The following CAPRIN2 variants were observed in gnomAD, a reference collection of about 807,000 sequenced individuals.
CAPRIN2 encodes the protein caprin family member 2.
A neutral mutation model predicts 130.4 loss-of-function variants in CAPRIN2; 66 were observed. The ratio of observed to expected loss-of-function variants is 0.51; its 90% CI spans 0.42 to 0.62. The LOEUF (loss-of-function observed/expected upper bound fraction) is 0.62. CAPRIN2 is among the 20% of genes least tolerant of loss of function. The pLI is 0.00. For missense variants in CAPRIN2, 1,185 were observed against 1,246.6 expected, an observed-to-expected ratio of 0.95 and a Z score of 0.74; for synonymous variants, 471 against 444.1, an observed-to-expected ratio of 1.06 and a Z score of -0.76.
chr12:30,751,230 G>A (rs1458854218), intron 1 of CAPRIN2, 97 bp from the exon 3 acceptor site: 25 of 934,088 alleles, frequency 2.7e-5, no homozygotes, highest in South Asian at 6.6e-5. Context: ...CAAAGTCCTT[G>A]AAGTAAGCTA....
At chr12:30,720,750 A>T in intron 12 of CAPRIN2, 61 bp downstream of exon 13, 1 of 943,110 alleles carries the variant, frequency 1.1e-6, no homozygotes, top group Non-Finnish European at 1.7e-6. Flanking sequence ...GTAATTCATA[A>T]GATAAACTGG....
chr12:30,743,937 A>G (rs940969846), intron 2 of CAPRIN2, among the ~76,000 whole-genome samples: 1 of 152,150 alleles, frequency 6.6e-6, no homozygotes, highest in Non-Finnish European at 1.5e-5. Context: ...TCGTTTACCT[A>G]AACAGCTGGT....
At chr12:30,746,523 A>G (rs1350722319) in intron 2 of CAPRIN2, among the ~76,000 whole-genome samples, 1 of 152,240 alleles carries the variant, frequency 6.6e-6, no homozygotes, top group Non-Finnish European at 1.5e-5. Context: ...TAAAAAATGT[A>G]TTTCTCTGAT....
chr12:30,735,078 T>C, exon 4 of CAPRIN2: 1 of 1,614,200 alleles, frequency 6.2e-7, no homozygotes, highest in Non-Finnish European at 8.5e-7. Flanking sequence ...TGAAGTCTTT[T>C]TGTACGTGCT....
intron 2 of CAPRIN2, among the ~76,000 whole-genome samples, chr12:30,746,965 A>T (rs2070838184): frequency 6.6e-6 from 1 of 152,204 alleles, no homozygotes; most frequent in Non-Finnish European, 1.5e-5. Context: ...GACTTCCATA[A>T]CTAGAGATGA....
intron 2 of CAPRIN2, among the ~76,000 whole-genome samples, chr12:30,743,749 G>A (rs893066044): frequency 1.3e-5 from 2 of 152,102 alleles, no homozygotes; most frequent in African/African-American, 2.4e-5. Flanking sequence ...TAAGCACACC[G>A]CATTTTTAGC....
At chr12:30,732,700 A>ATGT (rs1252145971) in intron 5 of CAPRIN2, among the ~76,000 whole-genome samples, 1 of 152,050 alleles carries the variant, frequency 6.6e-6, no homozygotes, top group African/African-American at 2.4e-5. Flanking sequence ...AGATTCATCT[A>ATGT]TGTTGTTACA....
At chr12:30,734,604 A>G (rs1159870549) in intron 4 of CAPRIN2, among the ~76,000 whole-genome samples, 3 of 152,170 alleles carry the variant, frequency 2.0e-5, no homozygotes, top group Non-Finnish European at 2.9e-5. Flanking sequence ...TAAGAAGGCA[A>G]CTCTGAGAAA....
intron 15 of CAPRIN2, among the ~76,000 whole-genome samples, chr12:30,712,231 AGTG>A (rs143016017): frequency 0.028 from 4,231 of 152,096 alleles, 183 homozygotes; most frequent in African/African-American, 0.096. Flanking sequence ...AAGAATAATT[AGTG>A]GTGTAATTAT....
intron 3 of CAPRIN2, among the ~76,000 whole-genome samples, chr12:30,740,431 GAAA>G (rs1417860763): frequency 2.6e-5 from 4 of 151,418 alleles, no homozygotes; most frequent in Middle Eastern, 3.2e-3. Context: ...GCTGAGATTT[GAAA>G]AAGTAAAGAA....
intron 12 of CAPRIN2, among the ~76,000 whole-genome samples, chr12:30,717,111 G>C (rs2057848033): frequency 6.6e-6 from 1 of 152,054 alleles, no homozygotes; most frequent in Non-Finnish European, 1.5e-5. Flanking sequence ...ACTGAAAGCA[G>C]GACTCAAACA....
chr12:30,730,149 C>A lies in CAPRIN2; in HGVS notation c.1104+90G>T, dbSNP rs113366898. 2,650 of 1,037,012 alleles carry A rather than the reference C, an allele frequency of 2.6e-3. 43 individuals are homozygous for A. In the African/African-American group the frequency reaches 0.038, roughly 15 times the overall value. The allele number at this position is 1,037,012 out of a possible 1,614,324, so 64.2% of individuals were successfully genotyped here. On this transcript the variant is annotated intron_variant, in intron 7 of 16. Transcript: ENST00000298892. ...TGCAGAACCAGGGTTCAAGCTCAGG[C>A]AGTCTGGCTCCAGAGCCTTAGCTTC...
At chr12:30,714,122 T>A (rs1421896643) in intron 14 of CAPRIN2, among the ~76,000 whole-genome samples, 1 of 151,968 alleles carries the variant, frequency 6.6e-6, no homozygotes, top group African/African-American at 2.4e-5. Flanking sequence ...CAAGGTGGGG[T>A]TGGGAAAGGG....
intron 8 of CAPRIN2, among the ~76,000 whole-genome samples, chr12:30,726,672 A>G (rs111420742): frequency 0.011 from 1,677 of 152,288 alleles, 22 homozygotes; most frequent in African/African-American, 0.038. Context: ...GTTACTTTTT[A>G]TAGCTGTCAA....
chr12:30,733,609 C>T lies in CAPRIN2; in HGVS notation c.892+20G>A, dbSNP rs781212694. On this transcript the variant is annotated intron_variant, in intron 5 of 16. Coordinates refer to ENST00000298892, the Ensembl canonical transcript of CAPRIN2. Reference sequence around the variant, plus strand: ...AAAGTTTAGTATTTACTGCATAAGTCCAGAGTAGAGAAAACTCACATGTCG... The same window carrying T: ...AAAGTTTAGTATTTACTGCATAAGTTCAGAGTAGAGAAAACTCACATGTCG... 1.3e-6 allele frequency: 2 copies of T among 1,550,136 alleles called. No homozygotes were observed. The highest frequency in any genetic ancestry group is 1.7e-4 in the Middle Eastern group (1 of 5,950).
At chr12:30,753,457 G>C (rs1052510246) in exon 1 of CAPRIN2, 1 of 1,614,018 alleles carries the variant, frequency 6.2e-7, no homozygotes, top group South Asian at 1.1e-5. Flanking sequence ...GACTGCAGGG[G>C]GCTCAAGGCC....
chr12:30,718,598 A>C (rs1006141770), intron 12 of CAPRIN2, among the ~76,000 whole-genome samples: 1 of 152,266 alleles, frequency 6.6e-6, no homozygotes, highest in African/African-American at 2.4e-5. Flanking sequence ...ACGTAATTCA[A>C]AACACCACAC....
At chr12:30,750,997 T>A in intron 2 of CAPRIN2, 74 bp downstream of exon 3, 1 of 1,048,718 alleles carries the variant, frequency 9.5e-7, no homozygotes, top group Non-Finnish European at 1.5e-6. Context: ...TAAAGACTGA[T>A]CGCACTAAAT....
intron 14 of CAPRIN2, among the ~76,000 whole-genome samples, chr12:30,714,214 C>T (rs1444943620): frequency 6.6e-6 from 1 of 152,072 alleles, no homozygotes; most frequent in Non-Finnish European, 1.5e-5. Flanking sequence ...CAGTGCCTCG[C>T]TCTGTTACTC....
Sources: gnomAD v4.1 joint callset for allele counts (sites outside exome capture counted in the v4.1 genomes callset) on GRCh38, gnomAD v4.1.1 for gene constraint, MANE v1.5 for transcripts, NCBI Gene and HGNC (gene_info 2026-07-23, HGNC 2026-07-21) for gene names.